The following CCDC120 variants were observed in gnomAD, a reference collection of about 807,000 sequenced individuals.
CCDC120 encodes the protein coiled-coil domain-containing protein 120.
A neutral mutation model predicts 37.6 loss-of-function variants in CCDC120; 16 were observed. That is an observed-to-expected ratio of 0.43 (90% CI 0.29 to 0.65). CCDC120 has a LOEUF of 0.65. CCDC120 is among the 30% of genes least tolerant of loss of function. The pLI is 0.18. For missense variants in CCDC120, 650 were observed against 657.4 expected, an observed-to-expected ratio of 0.99 and a Z score of 0.12; for synonymous variants, 309 against 275.4, an observed-to-expected ratio of 1.12 and a Z score of -1.21.
At position 49,062,304 on chromosome X, in the gene CCDC120, T is replaced by A; in HGVS notation, c.133T>A (p.Ser45Thr). The A allele has an allele frequency of 8.3e-7, 1 of 1,208,574 alleles. No homozygotes were observed. The stretch of plus-strand genomic sequence containing the variant: ...GGAAGTCAAAGGTCAGCTGATCAGC[T>A]CTCCTACCTTCAATGCCCCAGGTCG... ...KMEVKGQLIS[S>T]PTFNAPAALF... Residue 45 changes from serine (S) to threonine (T), a missense_variant, in exon 3 of 11, where the codon TCT becomes ACT. Ser to Thr is a moderately conservative substitution (Grantham distance 58). Transcript: ENST00000603986.
upstream of CCDC120, among the ~76,000 whole-genome samples, chrX:49,057,113 C>T (rs1384832483): frequency 9.0e-6 from 1 of 111,269 alleles, no homozygotes; most frequent in African/African-American, 3.3e-5. Flanking sequence ...GTTGGGTCCT[C>T]TTCGAGGCTA....
Position 49,067,327 on chromosome X carries a change from G to A in CCDC120, c.1213G>A (p.Ala405Thr), listed in dbSNP as rs781798809. 6.6e-6 allele frequency: 8 copies of A among 1,206,831 alleles called. No homozygotes were observed. In the East Asian group the frequency reaches 1.2e-4, roughly 18 times the overall value. Residue 405 changes from alanine (A) to threonine (T), a missense_variant, in exon 10 of 11, where the codon GCT becomes ACT. Around this residue, in one of 3 missense-constraint regions of CCDC120, gnomAD observed 576 missense variants for 565.3 expected, o/e 1.02. Coordinates refer to ENST00000603986, the MANE Select transcript of CCDC120 (RefSeq NM_001163321.4). ...SSEALLVDRA[A>T]GGGAGSPPAP... The stretch of plus-strand genomic sequence containing the variant: ...TGAGGCCCTGCTGGTGGACCGGGCC[G>A]CTGGTGGGGGAGCTGGCTCCCCGCC...
chrX:49,055,284 C>T (rs782027846), upstream of CCDC120, among the ~76,000 whole-genome samples: 3 of 112,203 alleles, frequency 2.7e-5, no homozygotes, highest in African/African-American at 9.7e-5. Flanking sequence ...TTGGGGACTG[C>T]CTCATGTTGG....
At chrX:49,054,683 T>C (rs2064820136), upstream of CCDC120, among the ~76,000 whole-genome samples, 1 of 110,836 alleles carries the variant, frequency 9.0e-6, no homozygotes, top group Non-Finnish European at 1.9e-5. Context: ...ACCCCTGCCC[T>C]GCTGTTTTGT....
At chrX:49,064,330 C>T (rs782350128) in intron 5 of CCDC120, 40 bp from the exon 6 acceptor site, 86 of 1,128,661 alleles carry the variant, frequency 7.6e-5, no homozygotes, top group Non-Finnish European at 9.9e-5. Flanking sequence ...CGCCAGGTCC[C>T]TGTTCCTGGC....
At chrX:49,065,136 T>G in intron 7 of CCDC120, 38 bp downstream of exon 7, 1 of 1,159,848 alleles carries the variant, frequency 8.6e-7, no homozygotes, top group Non-Finnish European at 1.2e-6. Context: ...CCCCGACTCC[T>G]ACGTCCCTTT....
At chrX:49,057,141 G>A (rs1186402737), upstream of CCDC120, among the ~76,000 whole-genome samples, 1 of 111,633 alleles carries the variant, frequency 9.0e-6, no homozygotes, top group Non-Finnish European at 1.9e-5. Flanking sequence ...TCATGGACCA[G>A]GGCAATGATG....
chrX:49,064,059 T>C (rs782425733), intron 5 of CCDC120, 58 bp downstream of exon 5: 1,466 of 1,114,430 alleles, frequency 1.3e-3, no homozygotes, highest in Non-Finnish European at 1.3e-3. Context: ...TACAGAGGAG[T>C]AGCCAGGAGG....
At chrX:49,068,447 C>G in intron 10 of CCDC120, 97 bp from the exon 11 acceptor site, 2 of 1,046,242 alleles carry the variant, frequency 1.9e-6, no homozygotes, top group Non-Finnish European at 2.5e-6. Flanking sequence ...ACCTCTTTAA[C>G]GAGCCTCTTT....
At chrX:49,059,683 C>A (rs1241756070) in intron 1 of CCDC120, among the ~76,000 whole-genome samples, 1 of 112,470 alleles carries the variant, frequency 8.9e-6, no homozygotes, top group Non-Finnish European at 1.9e-5. Flanking sequence ...GTTATTACAG[C>A]CAGGAATTTC....
chrX:49,058,861 A>C (rs1344649230), upstream of CCDC120: 1 of 111,961 alleles, frequency 8.9e-6, no homozygotes, highest in Non-Finnish European at 1.9e-5. Flanking sequence ...CCCTGAGTGG[A>C]CCTGGCCCTG....
rs2064965992 is a variant in CCDC120 at position 49,067,235 on chromosome X, C to T, written c.1121C>T (p.Pro374Leu). The change falls in exon 10 of 11, where the codon CCC (proline) becomes CTC (leucine). Residue 374 changes from proline to leucine, a missense_variant. Physicochemically the swap from Pro to Leu is moderately conservative, Grantham distance 98 (BLOSUM62 -3). Around this residue, in one of 3 missense-constraint regions of CCDC120, gnomAD observed 576 missense variants for 565.3 expected, o/e 1.02. Transcript: ENST00000603986. ...SGSQDSQMGFPRADPASDRAS... is the reference protein window; with the variant it reads ...SGSQDSQMGFLRADPASDRAS... ...AGCCAGGACTCCCAGATGGGCTTCC[C>T]CCGGGCGGACCCTGCCTCCGATCGC... 2 of 1,211,335 alleles carry T rather than the reference C, an allele frequency of 1.7e-6. No homozygotes were observed. The highest frequency in any genetic ancestry group is 2.2e-6 in the Non-Finnish European group (2 of 895,386).
chrX:49,066,958 C>T (rs946745502), intron 9 of CCDC120: 5 of 416,214 alleles, frequency 1.2e-5, no homozygotes, highest in South Asian at 4.2e-5. Context: ...CCAGGCCTCC[C>T]CCACGCATTT....
upstream of CCDC120, among the ~76,000 whole-genome samples, chrX:49,056,275 G>A (rs1179135829): frequency 9.0e-6 from 1 of 110,595 alleles, no homozygotes; most frequent in Non-Finnish European, 1.9e-5. Flanking sequence ...GAGCAGGGAG[G>A]GTACCGTGTC....
chrX:49,064,298 C>T (rs2064924389), intron 5 of CCDC120, 72 bp from the exon 6 acceptor site: 2 of 1,055,299 alleles, frequency 1.9e-6, no homozygotes, highest in Non-Finnish European at 2.5e-6. Flanking sequence ...AAGTGCAGGC[C>T]AGCCTCTACT....
intron 1 of CCDC120, among the ~76,000 whole-genome samples, chrX:49,060,169 A>C (rs1456370976): frequency 8.9e-6 from 1 of 111,734 alleles, no homozygotes; most frequent in Non-Finnish European, 1.9e-5. Flanking sequence ...TCACGCATGT[A>C]ATCCCAGCAC....
chrX:49,055,929 G>A (rs190270587), upstream of CCDC120, among the ~76,000 whole-genome samples: 1 of 112,039 alleles, frequency 8.9e-6, no homozygotes, highest in East Asian at 2.8e-4. Flanking sequence ...TACATAGTGA[G>A]TAGGGAAAAT....
Position 49,068,602 on chromosome X carries a change from C to T in CCDC120, c.2035C>T (p.Leu679=). 8.6e-7 allele frequency: 1 copy of T among 1,157,967 alleles called. No homozygotes were observed. Among genetic ancestry groups the T allele is most frequent in the Non-Finnish European group, 1.2e-6 (1 of 868,176 alleles). The change falls in exon 11 of 11, where the codon CTA becomes TTA. Residue 679 remains leucine, a synonymous_variant. Coordinates refer to ENST00000603986, the MANE Select transcript of CCDC120 (RefSeq NM_001163321.4). ...GAGCGCTCGTTTAAGTGACCTGACGCTAGAGGGGGAGCAGTCCTCCAGTTC... is the reference window on the plus strand; with the variant it reads ...GAGCGCTCGTTTAAGTGACCTGACGTTAGAGGGGGAGCAGTCCTCCAGTTC... ...ELSARLSDLT[L]EGEQSSSSDT...
chrX:49,068,359 C>T, intron 10 of CCDC120, 185 bp from the exon 11 acceptor site: 1 of 1,059,525 alleles, frequency 9.4e-7, no homozygotes, highest in Non-Finnish European at 1.2e-6. Flanking sequence ...GAGGAAGGGA[C>T]ATCTCATGCC....
Sources: allele counts gnomAD v4.1 joint callset (sites outside exome capture counted in the v4.1 genomes callset), GRCh38; gene constraint gnomAD v4.1.1; regional missense constraint gnomAD v4.1.1; transcripts MANE v1.5; gene names NCBI Gene and HGNC (gene_info 2026-07-23, HGNC 2026-07-21).